The following STK4 variants were observed in gnomAD, a reference collection of about 807,000 sequenced individuals.
STK4 encodes serine/threonine-protein kinase 4.
In STK4, 30 loss-of-function variants were observed where a neutral mutation model predicts 64.9. The observed-to-expected ratio is 0.46, with a 90% CI of 0.35 to 0.63. The LOEUF is 0.63. Ranked by LOEUF, STK4 falls within the 20% of genes least tolerant of loss-of-function variation. The probability of loss-of-function intolerance (pLI) is 0.01; values close to 1 mark genes in which losing one functional copy is unlikely to be tolerated. For synonymous variants in STK4, 177 were observed against 199.0 expected, an observed-to-expected ratio of 0.89 and a Z score of 0.93; for missense variants, 466 against 598.5, an observed-to-expected ratio of 0.78 and a Z score of 2.31.
At chr20:44,983,974 G>A (rs2067484482) in intron 4 of STK4, among the ~76,000 whole-genome samples, 1 of 151,948 alleles carries the variant, frequency 6.6e-6, no homozygotes, top group Admixed American at 6.6e-5. Flanking sequence ...ATGTAAAGAA[G>A]TTCCAAAACT....
chr20:44,993,276 A>G (rs566649777), intron 5 of STK4, among the ~76,000 whole-genome samples: 3 of 152,024 alleles, frequency 2.0e-5, no homozygotes, highest in Non-Finnish European at 4.4e-5. Context: ...ACATATACAC[A>G]TATGCCATAG....
At chr20:45,005,407 A>G (rs2067920007) in intron 9 of STK4, among the ~76,000 whole-genome samples, 2 of 152,116 alleles carry the variant, frequency 1.3e-5, no homozygotes, top group East Asian at 3.9e-4. Context: ...GCACTTTGGG[A>G]GGCCGAGGCA....
Position 45,070,761 on chromosome 20 carries a change from G to A in STK4, c.1306-4257G>A, listed in dbSNP as rs190883611. Among the ~76,000 whole-genome samples, 57 of 152,014 alleles carry A rather than the reference G, an allele frequency of 3.7e-4. 2 individuals carry two copies. Among genetic ancestry groups the A allele is most frequent in the Admixed American group, 1.9e-3 (29 of 15,262 alleles). On this transcript the variant is annotated intron_variant, in intron 10 of 10. Coordinates refer to ENST00000372806, the MANE Select transcript of STK4 (RefSeq NM_006282.5). ...ATCTAGCCGAGCGCAGGTGGCAGGC[G>A]CCTGTAATCCCAGCTACTTGGGAGG...
chr20:45,050,086 T>TCAA (rs1413090802), intron 10 of STK4, among the ~76,000 whole-genome samples: 1 of 152,194 alleles, frequency 6.6e-6, no homozygotes, highest in Non-Finnish European at 1.5e-5. Flanking sequence ...AGACGAGCAT[T>TCAA]CAGAGTAAGG....
intron 1 of STK4, among the ~76,000 whole-genome samples, chr20:44,968,519 T>G (rs1023760860): frequency 6.6e-6 from 1 of 152,242 alleles, no homozygotes. Context: ...AGATATTTAC[T>G]ATAGTACCAT....
At chr20:45,015,219 TCAACACC>T (rs1215592585) in intron 9 of STK4, among the ~76,000 whole-genome samples, 2 of 152,192 alleles carry the variant, frequency 1.3e-5, no homozygotes, top group African/African-American at 4.8e-5. Context: ...TGATTTTACT[TCAACACC>T]GTCCATCAGA....
chr20:44,993,919 C>CAGTG (rs1270107409), intron 5 of STK4, among the ~76,000 whole-genome samples: 1 of 150,454 alleles, frequency 6.6e-6, no homozygotes, highest in Non-Finnish European at 1.5e-5. Context: ...GCGGAGGTTG[C>CAGTG]AGTGAGCCAA....
intron 1 of STK4, among the ~76,000 whole-genome samples, chr20:44,971,668 T>A (rs2067248579): frequency 7.2e-6 from 1 of 138,806 alleles, no homozygotes; most frequent in African/African-American, 2.7e-5. Flanking sequence ...CACATGACTT[T>A]TTTTTTTTTT....
intron 9 of STK4, among the ~76,000 whole-genome samples, chr20:45,010,139 G>A (rs2068018779): frequency 6.6e-6 from 1 of 152,044 alleles, no homozygotes; most frequent in Admixed American, 6.6e-5. Flanking sequence ...TGCGATCTCG[G>A]CTTATTGCGA....
chr20:45,044,814 G>A (rs1328705655), intron 10 of STK4, among the ~76,000 whole-genome samples: 3 of 152,142 alleles, frequency 2.0e-5, no homozygotes, highest in African/African-American at 7.2e-5. Flanking sequence ...GGGACCTTGG[G>A]TGAGTCACCC....
In STK4 at chr20:45,013,765, A is replaced by G. The variant is rs1359584493; in HGVS notation, c.1148-11208A>G. The stretch of plus-strand genomic sequence containing the variant: ...AGCAATCAGTTGCTAATTGTCTTTC[A>G]TTTGTCTATCTTTACCAATTTTTGA... On this transcript the variant is annotated intron_variant, in intron 9 of 10. Coordinates refer to ENST00000372806, the MANE Select transcript of STK4 (RefSeq NM_006282.5). Among the ~76,000 whole-genome samples, 6 of 152,148 alleles carry G rather than the reference A, an allele frequency of 3.9e-5. No homozygotes were observed. In the East Asian group the frequency reaches 1.2e-3, roughly 29 times the overall value.
intron 9 of STK4, among the ~76,000 whole-genome samples, chr20:45,016,117 C>T (rs908942446): frequency 3.3e-5 from 5 of 152,046 alleles, no homozygotes; most frequent in Admixed American, 1.3e-4. Context: ...ACCATTGTGC[C>T]GAGAAGAGAG....
At position 45,035,421 on chromosome 20, in the gene STK4, T is replaced by C. The variant is rs190887050; in HGVS notation, c.1305+10291T>C. On this transcript the variant is annotated intron_variant, in intron 10 of 10. Transcript: ENST00000372806. ...TATATACAGATTAAGAGAACCACAA[T>C]ACTTTTCAGTCAGTTATCAGCTTTG... 4.1e-3 allele frequency among the ~76,000 whole-genome samples: 624 copies of C among 152,322 alleles called. 3 individuals are homozygous for C. Among genetic ancestry groups the C allele is most frequent in the Middle Eastern group, 0.01 (3 of 294 alleles).
chr20:45,011,180 GT>G (rs1179693695), intron 9 of STK4, among the ~76,000 whole-genome samples: 1 of 152,108 alleles, frequency 6.6e-6, no homozygotes, highest in Admixed American at 6.5e-5. Flanking sequence ...GAATAGCCTT[GT>G]TTACCTCCCC....
intron 10 of STK4, among the ~76,000 whole-genome samples, chr20:45,028,179 C>A (rs1313956531): frequency 6.6e-6 from 1 of 152,102 alleles, no homozygotes; most frequent in African/African-American, 2.4e-5. Flanking sequence ...TTTAAGGAAC[C>A]TCTATACTGT....
chr20:45,023,963 C>T (rs571263843), intron 9 of STK4, among the ~76,000 whole-genome samples: 10 of 144,694 alleles, frequency 6.9e-5, no homozygotes, highest in East Asian at 4.1e-4. Flanking sequence ...TGCAGTGGCG[C>T]GATCTCAGCT....
intron 2 of STK4, 194 bp downstream of exon 2, chr20:44,972,352 C>A: frequency 2.0e-6 from 1 of 489,680 alleles, no homozygotes; most frequent in African/African-American, 2.0e-5. Flanking sequence ...CTTTTTAACA[C>A]GAAGAATATC....
chr20:44,973,997 A>G (rs1337769743), intron 2 of STK4: 1 of 152,260 alleles, frequency 6.6e-6, no homozygotes, highest in East Asian at 1.9e-4. Context: ...AAGGAAGACT[A>G]TAGACAGAGA....
chr20:44,997,660 A>G (rs1467150204), intron 7 of STK4, among the ~76,000 whole-genome samples: 1 of 152,238 alleles, frequency 6.6e-6, no homozygotes, highest in African/African-American at 2.4e-5. Context: ...TTGTGCTGCT[A>G]CATTCCAGCC....
Sources: allele counts gnomAD v4.1 joint callset (sites outside exome capture counted in the v4.1 genomes callset), GRCh38; gene constraint gnomAD v4.1.1; transcripts MANE v1.5; gene names NCBI Gene and HGNC (gene_info 2026-07-23, HGNC 2026-07-21).